CTNND2: variants seen among roughly 807,000 people sequenced by gnomAD.
CTNND2 encodes the protein catenin delta-2.
CTNND2 carries 22 observed loss-of-function variants against 144.4 expected under a neutral mutation model. That is an observed-to-expected ratio of 0.15 (90% confidence interval 0.11 to 0.22). CTNND2 has a LOEUF of 0.22. CTNND2 is among the 10% of genes least tolerant of loss of function. The pLI, the probability that CTNND2 is intolerant of heterozygous loss-of-function variation, is 1.00. For missense variants in CTNND2, 1,353 were observed against 1,618.8 expected (o/e 0.84, Z 2.82); for synonymous variants, 751 against 695.6 (o/e 1.08, Z -1.25).
At chr5:11,851,947 C>T (rs1245765189) in intron 1 of CTNND2, among the ~76,000 whole-genome samples, 13 of 152,228 alleles carry the variant, frequency 8.5e-5, no homozygotes, top group Non-Finnish European at 1.5e-5. Context: ...GTCATTCAGT[C>T]ATGGTATACA....
At chr5:11,779,911 C>G (rs574284696) in intron 1 of CTNND2, among the ~76,000 whole-genome samples, 4 of 152,154 alleles carry the variant, frequency 2.6e-5, no homozygotes, top group Admixed American at 2.0e-4. Flanking sequence ...CTAGCACACA[C>G]GGTAAAGCAA....
chr5:11,869,753 A>G (rs1387486821), intron 1 of CTNND2, among the ~76,000 whole-genome samples: 2 of 152,246 alleles, frequency 1.3e-5, no homozygotes, highest in Admixed American at 6.5e-5. Context: ...CAATAAAAAC[A>G]GATCTATTTT....
At chr5:11,136,443 A>C (rs750824058) in intron 12 of CTNND2, among the ~76,000 whole-genome samples, 28 of 152,154 alleles carry the variant, frequency 1.8e-4, no homozygotes, top group Middle Eastern at 3.2e-3. Context: ...AAAGGCAAGA[A>C]TGAAAAAAGG....
At chr5:11,016,059 T>A (rs1249147481) in intron 18 of CTNND2, among the ~76,000 whole-genome samples, 1 of 152,218 alleles carries the variant, frequency 6.6e-6, no homozygotes, top group South Asian at 2.1e-4. Context: ...TCCACTAATA[T>A]GCAGATTTTT....
At chr5:11,367,771 C>T (rs1331526867) in intron 7 of CTNND2, among the ~76,000 whole-genome samples, 11 of 152,054 alleles carry the variant, frequency 7.2e-5, no homozygotes, top group African/African-American at 2.4e-5. Context: ...TGCAGGATGG[C>T]AAAGTGCAAT....
intron 3 of CTNND2, among the ~76,000 whole-genome samples, chr5:11,433,836 C>T (rs1378870013): frequency 3.3e-5 from 5 of 152,130 alleles, no homozygotes; most frequent in Non-Finnish European, 7.3e-5. Context: ...AATATCCAAA[C>T]TATATCAGTT....
intron 2 of CTNND2, among the ~76,000 whole-genome samples, chr5:11,721,157 C>T (rs564044300): frequency 8.5e-5 from 13 of 152,256 alleles, no homozygotes; most frequent in African/African-American, 2.9e-4. Context: ...AATCCCGATG[C>T]ATGCCACAAC....
intron 2 of CTNND2, among the ~76,000 whole-genome samples, chr5:11,712,965 AG>A (rs2126697534): frequency 6.6e-6 from 1 of 152,322 alleles, no homozygotes; most frequent in South Asian, 2.1e-4. Flanking sequence ...ATAGTATCCT[AG>A]GGGTCAGGCT....
intron 16 of CTNND2, among the ~76,000 whole-genome samples, chr5:11,046,854 A>C (rs997839896): frequency 6.6e-6 from 1 of 151,746 alleles, no homozygotes; most frequent in Non-Finnish European, 1.5e-5. Flanking sequence ...CAAAACAAAC[A>C]ACAACAAAAA....
chr5:11,629,742 C>T (rs555267587), intron 2 of CTNND2, among the ~76,000 whole-genome samples: 1 of 152,032 alleles, frequency 6.6e-6, no homozygotes, highest in Admixed American at 6.5e-5. Flanking sequence ...GCCATCATAG[C>T]TCACTGCATC....
At chr5:11,722,043 C>T (rs1291756282) in intron 2 of CTNND2, among the ~76,000 whole-genome samples, 1 of 152,154 alleles carries the variant, frequency 6.6e-6, no homozygotes, top group African/African-American at 2.4e-5. Flanking sequence ...TTTACTTCGC[C>T]TTCCTGCAAT....
intron 3 of CTNND2, among the ~76,000 whole-genome samples, chr5:11,439,601 T>C (rs1335491254): frequency 1.3e-5 from 2 of 152,224 alleles, no homozygotes; most frequent in South Asian, 2.1e-4. Context: ...GGCACAATCA[T>C]AGATCACTGC....
chr5:11,177,685 T>C (rs1052354853), intron 11 of CTNND2, among the ~76,000 whole-genome samples: 4 of 152,310 alleles, frequency 2.6e-5, no homozygotes, highest in African/African-American at 9.6e-5. Flanking sequence ...AATGCTCTCA[T>C]TAAACTACAT....
intron 2 of CTNND2, among the ~76,000 whole-genome samples, chr5:11,586,847 A>G (rs1231577682): frequency 1.3e-5 from 2 of 152,078 alleles, no homozygotes; most frequent in Non-Finnish European, 2.9e-5. Flanking sequence ...AATTTTTTTT[A>G]TTATGTTTGA....
chr5:11,408,065 G>A (rs1368841945), intron 5 of CTNND2, among the ~76,000 whole-genome samples: 1 of 152,102 alleles, frequency 6.6e-6, no homozygotes, highest in South Asian at 2.1e-4. Flanking sequence ...GCTAGACTCT[G>A]CTGGGGATAG....
intron 2 of CTNND2, among the ~76,000 whole-genome samples, chr5:11,604,802 C>T (rs958913562): frequency 6.6e-6 from 1 of 152,278 alleles, no homozygotes; most frequent in East Asian, 1.9e-4. Flanking sequence ...CCAAGTACAT[C>T]AGTGGAGGAA....
intron 16 of CTNND2, among the ~76,000 whole-genome samples, chr5:11,038,899 C>T (rs939787605): frequency 7.2e-5 from 11 of 152,166 alleles, no homozygotes; most frequent in Admixed American, 3.3e-4. Flanking sequence ...AGGAAAACTG[C>T]TAACCAAACA....
At chr5:11,427,964 A>G (rs1313369550) in intron 3 of CTNND2, among the ~76,000 whole-genome samples, 4 of 152,174 alleles carry the variant, frequency 2.6e-5, no homozygotes, top group Non-Finnish European at 4.4e-5. Context: ...GGGGGAGGCG[A>G]AAGGCACTTC....
At chr5:11,538,988 A>C (rs947142793) in intron 3 of CTNND2, among the ~76,000 whole-genome samples, 13 of 152,202 alleles carry the variant, frequency 8.5e-5, no homozygotes, top group African/African-American at 2.9e-4. Flanking sequence ...ATTTTTAAAA[A>C]TCTCTAAGTT....
Sources: gnomAD v4.1 joint callset for allele counts (sites outside exome capture counted in the v4.1 genomes callset) on GRCh38, gnomAD v4.1.1 for gene constraint, MANE v1.5 for transcripts, NCBI Gene and HGNC (gene_info 2026-07-23, HGNC 2026-07-21) for gene names.